MYO9B: variants seen among roughly 807,000 people sequenced by gnomAD.
MYO9B encodes myosin IXB, also known as unconventional myosin-IXb.
Under a neutral mutation model 229.5 loss-of-function variants are expected in MYO9B, and 71 were observed. The ratio of observed to expected loss-of-function variants is 0.31; its 90% CI spans 0.26 to 0.38. The LOEUF is 0.38. Among genes scored for constraint, MYO9B ranks in the 10% least tolerant of loss-of-function variants. MYO9B has a pLI of 1.00. For missense variants in MYO9B, 2,255 were observed against 2,920.5 expected, an observed-to-expected ratio of 0.77 and a Z score of 5.25; for synonymous variants, 1,185 against 1,235.8, an observed-to-expected ratio of 0.96 and a Z score of 0.86.
intron 2 of MYO9B, among the ~76,000 whole-genome samples, chr19:17,114,832 C>T (rs1213164328): frequency 2.6e-5 from 4 of 151,742 alleles, no homozygotes; most frequent in Non-Finnish European, 5.9e-5. Context: ...GAACCACTGC[C>T]GGGAAACAGG....
At chr19:17,125,945 C>T in intron 2 of MYO9B, among the ~76,000 whole-genome samples, 1 of 152,192 alleles carries the variant, frequency 6.6e-6, no homozygotes, top group Non-Finnish European at 1.5e-5. Context: ...CCAACTGAGC[C>T]TGCAGCTGCC....
At position 17,195,252 on chromosome 19, in the gene MYO9B, G is replaced by A; in HGVS notation, c.3825G>A (p.Lys1275=). 6.2e-7 allele frequency: 1 copy of A among 1,612,354 alleles called. No homozygotes were observed. The highest frequency in any genetic ancestry group is 8.5e-7 in the Non-Finnish European group (1 of 1,179,624). The part of the protein sequence containing the change: ...PGSAPETPED[K]SKPCGSPRVQ... ...GCGCCCCCGAGACCCCCGAGGACAA[G>A]AGCAAACCATGTGGCAGCCCAAGGG... is the stretch of plus-strand genomic sequence containing the variant. The change falls in exon 22 of 40, where the codon AAG becomes AAA. Residue 1275 remains lysine (K), a synonymous_variant. Transcript: ENST00000682292. This position sits in a 1 kb window ranked among gnomAD's most constrained non-coding sequence, Gnocchi z 4.5.
At chr19:17,126,096 ACCT>A (rs1237338028) in intron 2 of MYO9B, among the ~76,000 whole-genome samples, 1 of 151,378 alleles carries the variant, frequency 6.6e-6, no homozygotes, top group Non-Finnish European at 1.5e-5. Context: ...GCCCCCACTA[ACCT>A]CCTCATTCCC....
chr19:17,210,954 T>A, intron 38 of MYO9B, 106 bp downstream of exon 38: 1 of 993,420 alleles, frequency 1.0e-6, no homozygotes, highest in Non-Finnish European at 1.5e-6. Flanking sequence ...GGTCCTGTCA[T>A]CCCTAACACT....
chr19:17,115,202 T>A (rs1178824890), intron 2 of MYO9B, among the ~76,000 whole-genome samples: 1 of 152,084 alleles, frequency 6.6e-6, no homozygotes, highest in Non-Finnish European at 1.5e-5. Flanking sequence ...CTACAGCCCA[T>A]GAGTTAAATC....
In MYO9B at chr19:17,212,258, C is replaced by T. The variant is rs2073240106; in HGVS notation, c.6422C>T (p.Ser2141Leu). The change falls in exon 40 of 40, where the codon TCG (serine) becomes TTG (leucine). Residue 2141 changes from serine to leucine, a missense_variant. By Grantham distance (145) the Ser-to-Leu change is moderately radical. Transcript: ENST00000682292. This position sits in a 1 kb window ranked among gnomAD's most constrained non-coding sequence, Gnocchi z 5.4. ...GQPPGAKRRY[S>L]DPPTYCLPPA... ...CCACCTGGGGCCAAGCGGAGGTACT[C>T]GGATCCCCCAACGTACTGCCTGCCC... 1.3e-6 allele frequency: 2 copies of T among 1,573,768 alleles called. No individual in the cohort carries two copies. The highest frequency in any genetic ancestry group is 8.6e-7 in the Non-Finnish European group (1 of 1,164,712).
chr19:17,172,235 G>T lies in MYO9B; in HGVS notation c.1794-101G>T. On this transcript the variant is annotated intron_variant, in intron 11 of 39. Transcript: ENST00000682292. This position sits in a 1 kb window ranked among gnomAD's most constrained non-coding sequence, Gnocchi z 8.2. ...CACTTCACTGCTCTGCCCACCCCAT[G>T]CACCCACCCACCTCGTGCACCAGGG... 1.5e-3 allele frequency: 1,793 copies of T among 1,182,880 alleles called. No homozygotes were observed. The highest frequency in any genetic ancestry group is 1.7e-3 in the Non-Finnish European group (1,473 of 845,234). 73.3% of individuals were successfully genotyped at this position (1,182,880 alleles called of 1,614,324 possible).
intron 1 of MYO9B, among the ~76,000 whole-genome samples, chr19:17,095,234 A>G (rs924840225): frequency 6.6e-6 from 1 of 151,882 alleles, no homozygotes; most frequent in African/African-American, 2.4e-5. Context: ...GTGTCTCAAA[A>G]AAGAAAAAAA....
chr19:17,106,982 G>C (rs2057798406), intron 2 of MYO9B, among the ~76,000 whole-genome samples: 2 of 152,252 alleles, frequency 1.3e-5, no homozygotes, highest in African/African-American at 4.8e-5. Context: ...AGAATGGCTT[G>C]AACTTGGGAG....
intron 1 of MYO9B, among the ~76,000 whole-genome samples, chr19:17,078,020 G>A (rs927257143): frequency 2.6e-5 from 4 of 152,098 alleles, no homozygotes; most frequent in East Asian, 1.9e-4. Flanking sequence ...TCCCCTTTCT[G>A]TTTGGCTGTA....
intron 1 of MYO9B, among the ~76,000 whole-genome samples, chr19:17,100,801 G>A (rs777468529): frequency 6.6e-6 from 1 of 152,030 alleles, no homozygotes; most frequent in Admixed American, 6.6e-5. Context: ...GGCCATTCCC[G>A]AGTGCATTTT....
chr19:17,210,977 CT>C (rs35355662), intron 38 of MYO9B, 129 bp downstream of exon 38: 39,424 of 328,482 alleles, frequency 0.12, 46 homozygotes, highest in Non-Finnish European at 0.13. Flanking sequence ...GCAAACAACA[CT>C]TTTTTTTTTT....
intron 3 of MYO9B, among the ~76,000 whole-genome samples, chr19:17,147,763 G>A (rs1452262237): frequency 8.8e-6 from 1 of 113,382 alleles, no homozygotes; most frequent in Non-Finnish European, 1.7e-5. Context: ...TCGGCTCACC[G>A]CAACCTCTGT....
intron 18 of MYO9B, 119 bp downstream of exon 18, chr19:17,186,120 C>T (rs1229660989): frequency 1.2e-6 from 1 of 823,732 alleles, no homozygotes; most frequent in Non-Finnish European, 2.0e-6. Flanking sequence ...GCAGTCCATC[C>T]AGAGGCAGCC....
chr19:17,153,302 G>A (rs1173936104), intron 4 of MYO9B, among the ~76,000 whole-genome samples: 1 of 151,262 alleles, frequency 6.6e-6, no homozygotes, highest in Non-Finnish European at 1.5e-5. Context: ...TCATGCCTGA[G>A]GCGACTCTCA....
intron 22 of MYO9B, 111 bp from the exon 23 acceptor site, chr19:17,197,681 G>A (rs1411947620): frequency 2.4e-6 from 3 of 1,238,498 alleles, no homozygotes; most frequent in African/African-American, 1.5e-5. Context: ...ATTGCCAAGT[G>A]TCCCCTGGCA....
At chr19:17,156,805 A>G in intron 6 of MYO9B, 104 bp from the exon 7 acceptor site, 1 of 1,365,118 alleles carries the variant, frequency 7.3e-7, no homozygotes, top group Non-Finnish European at 1.0e-6. Context: ...ATGCGTTCCG[A>G]CCAGAATTTG....
chr19:17,187,270 C>G (rs780292217), intron 18 of MYO9B, among the ~76,000 whole-genome samples: 8 of 152,370 alleles, frequency 5.3e-5, no homozygotes, highest in Non-Finnish European at 8.8e-5. Context: ...CATCTCCTCT[C>G]TCCTGGGACA....
At position 17,130,993 on chromosome 19, in the gene MYO9B, C is replaced by T. The variant is rs540888122; in HGVS notation, c.841-14404C>T. On this transcript the variant is annotated intron_variant, in intron 2 of 39. Transcript: ENST00000682292. ...GAGCTGATCACCCTTGATGTCTGATCGGGCTCTGTATCTTCCCCCATACCC... is the reference window on the plus strand; with the variant it reads ...GAGCTGATCACCCTTGATGTCTGATTGGGCTCTGTATCTTCCCCCATACCC... Among the ~76,000 whole-genome samples, 7 of 152,236 alleles carry T rather than the reference C, an allele frequency of 4.6e-5. No homozygotes were observed. In the South Asian group the frequency reaches 1.2e-3, roughly 27 times the overall value.
Sources: allele counts gnomAD v4.1 joint callset (sites outside exome capture counted in the v4.1 genomes callset), GRCh38; gene constraint gnomAD v4.1.1; non-coding constraint Gnocchi (gnomAD v3.1); transcripts MANE v1.5; gene names NCBI Gene and HGNC (gene_info 2026-07-23, HGNC 2026-07-21).